The following LAMC1 variants were observed in gnomAD, a reference collection of about 807,000 sequenced individuals.
LAMC1 encodes the protein laminin subunit gamma-1.
In LAMC1, 38 loss-of-function variants were observed where a neutral mutation model predicts 173.6. That is an observed-to-expected ratio of 0.22 (90% CI 0.17 to 0.29). The LOEUF (loss-of-function observed/expected upper bound fraction) is 0.29. Among genes scored for constraint, LAMC1 ranks in the 10% least tolerant of loss-of-function variants. The pLI is 1.00. For synonymous variants in LAMC1, 746 were observed against 749.1 expected (o/e 1.00, Z 0.07); for missense variants, 1,824 against 2,051.8 (o/e 0.89, Z 2.14).
chr1:183,091,116 C>CT (rs1047551914), intron 1 of LAMC1, among the ~76,000 whole-genome samples: 2 of 151,798 alleles, frequency 1.3e-5, no homozygotes, highest in Non-Finnish European at 2.9e-5. Flanking sequence ...CTTCCTTCTG[C>CT]TTTTTTTTCA....
At chr1:183,139,558 G>A (rs906695090) in intron 26 of LAMC1, among the ~76,000 whole-genome samples, 1 of 152,178 alleles carries the variant, frequency 6.6e-6, no homozygotes, top group Admixed American at 6.5e-5. Flanking sequence ...GGTTTTTTCT[G>A]CCTTGCTTTC....
At chr1:183,133,847 A>G (rs1019186217) in intron 22 of LAMC1, among the ~76,000 whole-genome samples, 2 of 152,228 alleles carry the variant, frequency 1.3e-5, no homozygotes, top group Non-Finnish European at 2.9e-5. Context: ...TTACCAAGGT[A>G]AAGAATCCTG....
chr1:183,065,779 G>A (rs1422821032), intron 1 of LAMC1, among the ~76,000 whole-genome samples: 2 of 152,182 alleles, frequency 1.3e-5, no homozygotes, highest in East Asian at 3.8e-4. Context: ...TGAGAAGAAT[G>A]ACAAGTAGTT....
At chr1:183,105,224 CAAAAAAAA>C (rs35512159) in intron 2 of LAMC1, among the ~76,000 whole-genome samples, 2 of 42,852 alleles carry the variant, frequency 4.7e-5, no homozygotes, top group Non-Finnish European at 8.6e-5. Flanking sequence ...GACTCCATCT[CAAAAAAAA>C]AAAAAAAAAA....
At chr1:183,098,973 G>A (rs1011127294) in intron 1 of LAMC1, among the ~76,000 whole-genome samples, 2 of 152,040 alleles carry the variant, frequency 1.3e-5, no homozygotes, top group South Asian at 2.1e-4. Context: ...TCTTTCCTTG[G>A]CCCTGTAACC....
chr1:183,141,541 C>T (rs1317224103), intron 27 of LAMC1, among the ~76,000 whole-genome samples: 3 of 152,190 alleles, frequency 2.0e-5, no homozygotes, highest in Admixed American at 2.0e-4. Flanking sequence ...TGTCACCAGA[C>T]TCCATTATAA....
intron 1 of LAMC1, among the ~76,000 whole-genome samples, chr1:183,053,596 G>A (rs916145593): frequency 6.6e-6 from 1 of 151,284 alleles, no homozygotes; most frequent in Non-Finnish European, 1.5e-5. Context: ...TGAAGATCTT[G>A]TATAATCCAA....
intron 1 of LAMC1, among the ~76,000 whole-genome samples, chr1:183,052,426 TG>T (rs1436545473): frequency 1.3e-5 from 2 of 152,068 alleles, no homozygotes; most frequent in Non-Finnish European, 2.9e-5. Context: ...CTCTGCCTCC[TG>T]GGTTCAAGCA....
At position 183,023,563 on chromosome 1, in the gene LAMC1, C is replaced by T; in HGVS notation, c.-154C>T. On this transcript the variant is annotated 5_prime_UTR_variant, in exon 1 of 28. Transcript: ENST00000258341. Reference sequence around the variant, plus strand: ...TCGCTAGGGGCGCCCACCCGTCAGTCTCTCCGGCGCGAGCCGCCGCCACCG... The same window carrying T: ...TCGCTAGGGGCGCCCACCCGTCAGTTTCTCCGGCGCGAGCCGCCGCCACCG... 2 of 418,546 alleles carry T rather than the reference C, an allele frequency of 4.8e-6. No individual in the cohort carries two copies. The highest frequency in any genetic ancestry group is 7.1e-6 in the Non-Finnish European group (2 of 283,470). 25.9% of individuals were successfully genotyped at this position (418,546 alleles called of 1,614,324 possible). A position where few individuals can be genotyped will look rare whatever the true frequency, so the allele number is the denominator to read the frequency against.
intron 1 of LAMC1, among the ~76,000 whole-genome samples, chr1:183,077,440 G>A (rs1227379698): frequency 3.3e-5 from 5 of 151,922 alleles, no homozygotes; most frequent in Non-Finnish European, 5.9e-5. Flanking sequence ...AGGTTATTGG[G>A]GTACAGGTGG....
rs1438905509 is a variant in LAMC1 at position 183,117,455 on chromosome 1, A to G, written c.1687+13A>G. On this transcript the variant is annotated intron_variant, in intron 9 of 27. Transcript: ENST00000258341. ...TTCATTGCTCCTGGTAAGTAAGGCTAGAAAGCAGTCTGACCTGCTGTGTGC... is the reference window on the plus strand; with the variant it reads ...TTCATTGCTCCTGGTAAGTAAGGCTGGAAAGCAGTCTGACCTGCTGTGTGC... 1 of 1,612,158 alleles carries G rather than the reference A, an allele frequency of 6.2e-7. No homozygotes were observed.
At chr1:183,127,477 T>C in intron 17 of LAMC1, 73 bp downstream of exon 17, 1 of 1,391,150 alleles carries the variant, frequency 7.2e-7, no homozygotes. Context: ...CACTAATCTC[T>C]ATAGAAAAAG....
At chr1:183,142,338 C>A (rs1016493157) in intron 27 of LAMC1, among the ~76,000 whole-genome samples, 196 bp from the exon 28 acceptor site, 1 of 152,198 alleles carries the variant, frequency 6.6e-6, no homozygotes, top group African/African-American at 2.4e-5. Context: ...CCCATCCCTG[C>A]TGGGTTAGGT....
chr1:183,134,848 A>G (rs372857046), intron 23 of LAMC1, 39 bp downstream of exon 23: 66 of 1,597,576 alleles, frequency 4.1e-5, no homozygotes, highest in Non-Finnish European at 3.4e-6. Context: ...TCTTGAGGCA[A>G]CATTTGAACA....
chr1:183,140,292 T>G (rs145536489), intron 26 of LAMC1, 112 bp from the exon 27 acceptor site: 3,890 of 369,994 alleles, frequency 0.011, 52 homozygotes, highest in South Asian at 0.026. Flanking sequence ...ATTTCCTAAG[T>G]TAGAAAAGGG....
rs1571451509 is a variant in LAMC1, at chr1:183,117,190, T to C, written c.1565-130T>C. On this transcript the variant is annotated intron_variant, in intron 8 of 27. Coordinates refer to ENST00000258341, the MANE Select transcript of LAMC1 (RefSeq NM_002293.4). ...TATTGGTACTGTTGTAGGATCCATT[T>C]ATTCAAAAAGGTTTATTGATGCCTT... is the stretch of plus-strand genomic sequence containing the variant. The C allele has an allele frequency of 3.2e-6, 3 of 950,040 alleles. No homozygotes were observed. In the East Asian group the frequency reaches 7.4e-5, roughly 23 times the overall value. 58.9% of individuals were successfully genotyped at this position (950,040 alleles called of 1,614,324 possible).
intron 27 of LAMC1, 29 bp downstream of exon 27, chr1:183,140,532 G>T (rs537311631): frequency 6.9e-7 from 1 of 1,454,972 alleles, no homozygotes; most frequent in South Asian, 1.1e-5. Context: ...ATTTTTGTCA[G>T]TCTCTGAATC....
At chr1:183,028,785 T>C (rs1653761747) in intron 1 of LAMC1, among the ~76,000 whole-genome samples, 1 of 152,272 alleles carries the variant, frequency 6.6e-6, no homozygotes, top group Non-Finnish European at 1.5e-5. Flanking sequence ...CTTTTCATGC[T>C]GTTCACGCTT....
chr1:183,138,297 C>T (rs1571468062), intron 26 of LAMC1: 8 of 638,064 alleles, frequency 1.3e-5, no homozygotes, highest in African/African-American at 4.0e-5. Context: ...TAATTTTTCA[C>T]GTTTTGTGAT....
Sources: allele counts gnomAD v4.1 joint callset (sites outside exome capture counted in the v4.1 genomes callset), GRCh38; gene constraint gnomAD v4.1.1; transcripts MANE v1.5; gene names NCBI Gene and HGNC (gene_info 2026-07-23, HGNC 2026-07-21).